FOXN3: variants seen among roughly 807,000 people sequenced by gnomAD.
FOXN3 encodes forkhead box protein N3.
Under a neutral mutation model 38.4 loss-of-function variants are expected in FOXN3, and 7 were observed. The ratio of observed to expected loss-of-function variants is 0.18; its 90% CI spans 0.10 to 0.34. FOXN3 has a LOEUF of 0.34. Ranked by LOEUF, FOXN3 falls within the 10% of genes least tolerant of loss-of-function variation. The pLI is 1.00. For synonymous variants in FOXN3, 230 were observed against 242.2 expected (o/e 0.95, Z 0.47); for missense variants, 456 against 613.4 (o/e 0.74, Z 2.71).
intron 4 of FOXN3, among the ~76,000 whole-genome samples, chr14:89,243,630 C>T (rs1391675165): frequency 6.6e-6 from 1 of 152,170 alleles, no homozygotes; most frequent in Non-Finnish European, 1.5e-5. Context: ...GCTGCCCTTT[C>T]ATTTTCTGAG....
intron 3 of FOXN3, among the ~76,000 whole-genome samples, chr14:89,341,468 A>C (rs1300110744): frequency 6.6e-6 from 1 of 152,050 alleles, no homozygotes; most frequent in Admixed American, 6.5e-5. Context: ...CCCCCATTCT[A>C]TGTTCTTCAA....
intron 1 of FOXN3, among the ~76,000 whole-genome samples, chr14:89,439,137 C>G (rs530978889): frequency 6.6e-6 from 1 of 152,258 alleles, no homozygotes; most frequent in South Asian, 2.1e-4. Context: ...GCATCCAACC[C>G]TGTGTGTGCC....
intron 1 of FOXN3, among the ~76,000 whole-genome samples, chr14:89,564,450 C>T (rs192539543): frequency 7.4e-4 from 113 of 152,222 alleles, no homozygotes; most frequent in African/African-American, 2.6e-3. Flanking sequence ...GCCCTCCTTC[C>T]GTGCTAAAAG....
At chr14:89,568,118 C>G (rs571602562) in intron 1 of FOXN3, among the ~76,000 whole-genome samples, 6 of 152,186 alleles carry the variant, frequency 3.9e-5, no homozygotes, top group African/African-American at 1.4e-4. Flanking sequence ...TTTCTCCCAT[C>G]TTAGTAATTG....
chr14:89,273,864 C>T (rs1431482721), intron 4 of FOXN3, among the ~76,000 whole-genome samples: 1 of 152,160 alleles, frequency 6.6e-6, no homozygotes, highest in Admixed American at 6.5e-5. Context: ...AACCAGAGGG[C>T]CTCTGCAGGC....
intron 2 of FOXN3, among the ~76,000 whole-genome samples, chr14:89,364,913 G>C (rs1387115211): frequency 6.6e-6 from 1 of 152,222 alleles, no homozygotes. Context: ...AGAGAAGCTG[G>C]ACGGTATGTG....
At chr14:89,244,898 A>G (rs2057406848) in intron 4 of FOXN3, among the ~76,000 whole-genome samples, 1 of 152,332 alleles carries the variant, frequency 6.6e-6, no homozygotes, top group East Asian at 1.9e-4. Context: ...CATATTAACC[A>G]ATAACCTACC....
chr14:89,296,547 C>T (rs1887045412), intron 3 of FOXN3, among the ~76,000 whole-genome samples: 1 of 152,162 alleles, frequency 6.6e-6, no homozygotes, highest in Non-Finnish European at 1.5e-5. Context: ...CCAAGAGCTC[C>T]CAGTCTAGTA....
intron 3 of FOXN3, among the ~76,000 whole-genome samples, chr14:89,331,239 T>G: frequency 6.6e-6 from 1 of 152,210 alleles, no homozygotes; most frequent in East Asian, 1.9e-4. Flanking sequence ...TAACCACTAA[T>G]CCACTTTCTG....
Position 89,157,613 on chromosome 14 carries a change from A to G in FOXN3, c.*4801T>C, listed in dbSNP as rs1326844441. 6.5e-6 allele frequency: 1 copy of G among 152,692 alleles called. No homozygotes were observed. The highest frequency in any genetic ancestry group is 2.4e-5 in the African/African-American group (1 of 41,466). The allele number at this position is 152,692 out of a possible 1,614,324, so 9.5% of individuals were successfully genotyped here. A position where few individuals can be genotyped will look rare whatever the true frequency, so the allele number is the denominator to read the frequency against. On this transcript the variant is annotated 3_prime_UTR_variant, in exon 6 of 6. Coordinates refer to ENST00000557258, the MANE Select transcript of FOXN3 (RefSeq NM_005197.4). Reference sequence around the variant, plus strand: ...ATTTACACATTCCGTTACAAAGGAAAAAAAGACACCATTACAGCTTTGTAA... The same window carrying G: ...ATTTACACATTCCGTTACAAAGGAAGAAAAGACACCATTACAGCTTTGTAA...
intron 1 of FOXN3, among the ~76,000 whole-genome samples, chr14:89,615,223 TTC>T (rs1896473692): frequency 6.6e-6 from 1 of 151,546 alleles, no homozygotes; most frequent in Non-Finnish European, 1.5e-5. Flanking sequence ...AGCTGCCTCT[TTC>T]TCTTTACCTC....
chr14:89,601,716 G>A (rs1273214701), intron 1 of FOXN3, among the ~76,000 whole-genome samples: 4 of 151,892 alleles, frequency 2.6e-5, no homozygotes, highest in Admixed American at 2.6e-4. Context: ...CTTATGGGAG[G>A]CCTAAAACCA....
chr14:89,363,984 ATATAATAT>A (rs1398001045), intron 2 of FOXN3, among the ~76,000 whole-genome samples: 66 of 93,412 alleles, frequency 7.1e-4, no homozygotes, highest in Non-Finnish European at 1.3e-3. Context: ...ATATATATAT[ATATAATAT>A]ATATATATAT....
At chr14:89,485,137 G>T (rs922155101) in intron 1 of FOXN3, among the ~76,000 whole-genome samples, 1 of 119,048 alleles carries the variant, frequency 8.4e-6, no homozygotes, top group African/African-American at 3.1e-5. Flanking sequence ...AGGTGACAGA[G>T]CAAGACTCTC....
chr14:89,202,611 G>A (rs1888263108), intron 4 of FOXN3, among the ~76,000 whole-genome samples: 1 of 152,188 alleles, frequency 6.6e-6, no homozygotes, highest in Non-Finnish European at 1.5e-5. Context: ...CCTCGTGAAT[G>A]GCTCAGAGCT....
chr14:89,295,637 G>C (rs1273925561), intron 3 of FOXN3, among the ~76,000 whole-genome samples: 2 of 151,992 alleles, frequency 1.3e-5, no homozygotes, highest in Non-Finnish European at 1.5e-5. Flanking sequence ...ACCCAGGCTG[G>C]AGTGCAGTGG....
upstream of FOXN3, chr14:89,417,606 C>A (rs1891786179): frequency 2.4e-6 from 1 of 409,556 alleles, no homozygotes; most frequent in Admixed American, 2.5e-5. Context: ...CTGCTGGCAA[C>A]GTGTCGCGGG....
chr14:89,243,633 TTTCTGAGAGGGTTTATCTTCCTTCTGC>T (rs1885205696), intron 4 of FOXN3, among the ~76,000 whole-genome samples: 2 of 152,184 alleles, frequency 1.3e-5, no homozygotes, highest in African/African-American at 4.8e-5. Flanking sequence ...GCCCTTTCAT[TTTCTGAGAGGGTTTATCTTCCTTCTGC>T]TACAGGTAAA....
intron 4 of FOXN3, among the ~76,000 whole-genome samples, chr14:89,239,568 T>C (rs902077362): frequency 3.3e-5 from 5 of 152,226 alleles, no homozygotes; most frequent in African/African-American, 1.2e-4. Flanking sequence ...GAAGCTTTTA[T>C]TGCAAAGATG....
Sources: gnomAD v4.1 joint callset for allele counts (sites outside exome capture counted in the v4.1 genomes callset) on GRCh38, gnomAD v4.1.1 for gene constraint, MANE v1.5 for transcripts, NCBI Gene and HGNC (gene_info 2026-07-23, HGNC 2026-07-21) for gene names.